The following FBN2 variants were observed in gnomAD, a reference collection of about 807,000 sequenced individuals.
The protein encoded by FBN2 is fibrillin-2.
FBN2 carries 105 observed loss-of-function variants against 355.6 expected under a neutral mutation model. That is an observed-to-expected ratio of 0.30 (90% CI 0.25 to 0.35). The LOEUF (loss-of-function observed/expected upper bound fraction) is 0.35. Among genes scored for constraint, FBN2 ranks in the 10% least tolerant of loss-of-function variants. The probability of loss-of-function intolerance (pLI) is 1.00; values close to 1 mark genes in which losing one functional copy is unlikely to be tolerated. For missense variants in FBN2, 3,280 were observed against 3,758.7 expected (o/e 0.87, Z 3.33); for synonymous variants, 1,350 against 1,301.2 (o/e 1.04, Z -0.81).
intron 62 of FBN2, among the ~76,000 whole-genome samples, chr5:128,263,935 A>C (rs1407158405): frequency 6.6e-6 from 1 of 152,036 alleles, no homozygotes; most frequent in Non-Finnish European, 1.5e-5. Flanking sequence ...CTAGTGAATA[A>C]CTCTTCTATT....
chr5:128,304,595 T>C (rs1412491713), intron 45 of FBN2, among the ~76,000 whole-genome samples: 1 of 152,174 alleles, frequency 6.6e-6, no homozygotes, highest in Non-Finnish European at 1.5e-5. Flanking sequence ...CAAAATGGTG[T>C]CTTGAGTAGA....
chr5:128,443,821 ATAAAT>A (rs1407488441), intron 7 of FBN2, among the ~76,000 whole-genome samples: 2 of 152,150 alleles, frequency 1.3e-5, no homozygotes, highest in East Asian at 1.9e-4. Flanking sequence ...AATTCACATA[ATAAAT>A]TAAAATATTT....
intron 7 of FBN2, among the ~76,000 whole-genome samples, chr5:128,422,661 A>G (rs901393858): frequency 2.6e-5 from 4 of 152,226 alleles, no homozygotes; most frequent in African/African-American, 7.2e-5. Flanking sequence ...ACTTCATCAA[A>G]GACAGGGGAA....
chr5:128,339,137 C>T, intron 25 of FBN2, 76 bp from the exon 26 acceptor site: 1 of 1,507,468 alleles, frequency 6.6e-7, no homozygotes, highest in South Asian at 1.1e-5. Flanking sequence ...GTGCTGCATG[C>T]TTGAAAAGTT....
chr5:128,436,916 G>C (rs765962673), intron 7 of FBN2, among the ~76,000 whole-genome samples: 60 of 152,082 alleles, frequency 3.9e-4, no homozygotes, highest in Non-Finnish European at 8.5e-4. Flanking sequence ...CCTAACTGCG[G>C]GGAATATCAA....
At chr5:128,412,595 A>C (rs1052690857) in intron 7 of FBN2, among the ~76,000 whole-genome samples, 9 of 152,156 alleles carry the variant, frequency 5.9e-5, no homozygotes, top group African/African-American at 1.4e-4. Context: ...ACAACAACAA[A>C]AAACAGCATG....
rs552561687 is a variant in FBN2 at position 128,284,392 on chromosome 5, C to T, written c.7012+2326G>A. Reference sequence around the variant, plus strand: ...GGGCCCATACTCTGAGTCACTCTGCCGTAACACTTTTAGCATAAAACCAAA... The same window carrying T: ...GGGCCCATACTCTGAGTCACTCTGCTGTAACACTTTTAGCATAAAACCAAA... On this transcript the variant is annotated intron_variant, in intron 55 of 64. Coordinates refer to ENST00000262464, the MANE Select transcript of FBN2 (RefSeq NM_001999.4). 2.3e-3 allele frequency among the ~76,000 whole-genome samples: 348 copies of T among 152,222 alleles called. 2 individuals carry two copies. Among genetic ancestry groups the T allele is most frequent in the African/African-American group, 7.9e-3 (329 of 41,530 alleles).
chr5:128,344,892 G>T (rs939458811), intron 24 of FBN2, among the ~76,000 whole-genome samples: 6 of 151,004 alleles, frequency 4.0e-5, no homozygotes, highest in African/African-American at 1.5e-4. Flanking sequence ...GTAGAGACGG[G>T]GTTTCACCAT....
chr5:128,480,085 AAT>A lies in FBN2; in HGVS notation c.629-15166_629-15165del, dbSNP rs570494085. Among the ~76,000 whole-genome samples, 302 of 140,882 alleles carry A rather than the reference AAT, an allele frequency of 2.1e-3. 3 individuals carry two copies. Among genetic ancestry groups the A allele is most frequent in the African/African-American group, 7.2e-3 (279 of 38,646 alleles). The allele number at this position is 140,882 out of a possible 152,430, so 92.4% of individuals were successfully genotyped here. A position where few individuals can be genotyped will look rare whatever the true frequency, so the allele number is the denominator to read the frequency against. On this transcript the variant is annotated intron_variant, in intron 5 of 64. Transcript: ENST00000262464. ...TATAATATATATATTCTCTATATAT[AAT>A]ATATATATTCTCTCCATATATATAA...
rs541647063 is a variant in FBN2 at position 128,324,911 on chromosome 5, G to A, written c.4471+3785C>T. Among the ~76,000 whole-genome samples the A allele has an allele frequency of 2.6e-5, 4 of 152,158 alleles. No homozygotes were observed. The East Asian group carries it at 7.7e-4, about 29-fold the overall frequency. On this transcript the variant is annotated intron_variant, in intron 34 of 64. Coordinates refer to ENST00000262464, the MANE Select transcript of FBN2 (RefSeq NM_001999.4). The stretch of plus-strand genomic sequence containing the variant: ...TAGGATTACAGGCATGAGCCACTGC[G>A]CTCGGCCATGAGTGAGTTTCTTAAC...
At chr5:128,507,674 A>G (rs1561490327) in intron 5 of FBN2, among the ~76,000 whole-genome samples, 1 of 152,028 alleles carries the variant, frequency 6.6e-6, no homozygotes, top group Non-Finnish European at 1.5e-5. Context: ...TGAGTTGTTC[A>G]TTATCTACTT....
At chr5:128,344,847 C>A (rs540644520) in intron 24 of FBN2, among the ~76,000 whole-genome samples, 1 of 151,874 alleles carries the variant, frequency 6.6e-6, no homozygotes, top group Non-Finnish European at 1.5e-5. Flanking sequence ...ATTACAGGCG[C>A]GAGCCACCAC....
At chr5:128,345,635 AAC>A (rs1258955863) in intron 23 of FBN2, 51 bp from the exon 24 acceptor site, 1 of 1,502,984 alleles carries the variant, frequency 6.7e-7, no homozygotes, top group South Asian at 1.1e-5. Context: ...ACATCCATTG[AAC>A]AGTCACATGT....
At chr5:128,314,200 T>C (rs948523712) in intron 36 of FBN2, among the ~76,000 whole-genome samples, 2 of 152,222 alleles carry the variant, frequency 1.3e-5, no homozygotes, top group Non-Finnish European at 2.9e-5. Context: ...TTTGGGCTTT[T>C]TAAAAAAACT....
intron 25 of FBN2, among the ~76,000 whole-genome samples, chr5:128,339,693 G>A (rs910604574): frequency 8.5e-5 from 13 of 152,180 alleles, no homozygotes; most frequent in Admixed American, 5.2e-4. Context: ...GGCCCCCATG[G>A]AATGAAACCT....
At chr5:128,381,324 T>C (rs1421776543) in intron 11 of FBN2, among the ~76,000 whole-genome samples, 1 of 152,064 alleles carries the variant, frequency 6.6e-6, no homozygotes, top group Non-Finnish European at 1.5e-5. Flanking sequence ...TAGACCCAAT[T>C]CTATTTTCTT....
intron 7 of FBN2, among the ~76,000 whole-genome samples, chr5:128,409,886 G>A (rs554209507): frequency 6.6e-5 from 10 of 152,050 alleles, no homozygotes; most frequent in East Asian, 5.8e-4. Context: ...TTAACCCCAC[G>A]CTTAAAAAGA....
At chr5:128,393,862 A>G (rs141283949) in intron 9 of FBN2, among the ~76,000 whole-genome samples, 365 of 152,328 alleles carry the variant, frequency 2.4e-3, no homozygotes, top group Non-Finnish European at 3.9e-3. Context: ...ACGGTAGACA[A>G]TATCAAGTAA....
At chr5:128,528,847 CGA>C (rs1300896405) in intron 3 of FBN2, among the ~76,000 whole-genome samples, 2 of 152,042 alleles carry the variant, frequency 1.3e-5, no homozygotes, top group Non-Finnish European at 2.9e-5. Flanking sequence ...TTGAAGAGGG[CGA>C]GAGTCTGGGA....
Sources: gnomAD v4.1 joint callset for allele counts (sites outside exome capture counted in the v4.1 genomes callset) on GRCh38, gnomAD v4.1.1 for gene constraint, MANE v1.5 for transcripts, NCBI Gene and HGNC (gene_info 2026-07-23, HGNC 2026-07-21) for gene names.